ETV1: variants seen among roughly 807,000 people sequenced by gnomAD.
ETV1 encodes the protein ETS translocation variant 1.
A neutral mutation model predicts 62.3 loss-of-function variants in ETV1; 27 were observed. That is an observed-to-expected ratio of 0.43 (90% CI 0.32 to 0.60). The LOEUF (loss-of-function observed/expected upper bound fraction) is 0.60, where lower values mean the gene tolerates loss of function less well. Ranked by LOEUF, ETV1 falls within the 20% of genes least tolerant of loss-of-function variation. The pLI is 0.06. For synonymous variants in ETV1, 222 were observed against 199.6 expected, an observed-to-expected ratio of 1.11 and a Z score of -0.94; for missense variants, 605 against 605.8, an observed-to-expected ratio of 1.00 and a Z score of 0.01.
chr7:13,896,847 C>T (rs566430080), intron 13 of ETV1, among the ~76,000 whole-genome samples: 78 of 151,998 alleles, frequency 5.1e-4, no homozygotes, highest in African/African-American at 1.8e-3. Flanking sequence ...ATCCTGGGTA[C>T]ATCACTTTTA....
At chr7:13,950,094 T>G (rs1788621815) in intron 6 of ETV1, among the ~76,000 whole-genome samples, 1 of 152,102 alleles carries the variant, frequency 6.6e-6, no homozygotes, top group Non-Finnish European at 1.5e-5. Flanking sequence ...ACATTAGATA[T>G]GATTAAGGTT....
chr7:13,939,144 T>C lies in ETV1; in HGVS notation c.338A>G (p.Tyr113Cys). 2.5e-6 allele frequency: 4 copies of C among 1,613,362 alleles called. No homozygotes were observed. Among genetic ancestry groups the C allele is most frequent in the African/African-American group, 1.3e-5 (1 of 75,028 alleles). Residue 113 changes from tyrosine (Y) to cysteine (C), a missense_variant, in exon 7 of 14, where the codon TAT becomes TGT. By Grantham distance (194) the Tyr-to-Cys change is radical. Around this residue, in one of 3 missense-constraint regions of ETV1, gnomAD observed 426 missense variants for 377.8 expected, o/e 1.13. Coordinates refer to ENST00000430479, the MANE Select transcript of ETV1 (RefSeq NM_004956.5). ...GACATTGTACAGGCACTTTTCTCCA[T>C]AGCTGAATTTAAAGGGCTGTTCTTG... is the stretch of plus-strand genomic sequence containing the variant. Reference protein sequence around the residue: ...CSQEQPFKFSYGEKCLYNVSA... With the variant: ...CSQEQPFKFSCGEKCLYNVSA...
chr7:13,979,241 A>G (rs1455165877), intron 5 of ETV1, among the ~76,000 whole-genome samples: 4 of 152,064 alleles, frequency 2.6e-5, no homozygotes, highest in African/African-American at 9.7e-5. Flanking sequence ...TCTAAACGCA[A>G]TGCCAGCTAC....
intron 7 of ETV1, 76 bp downstream of exon 7, chr7:13,939,041 T>G: frequency 9.4e-4 from 1,323 of 1,403,030 alleles, no homozygotes; most frequent in Non-Finnish European, 1.2e-3. Flanking sequence ...AAATATGACT[T>G]GAGATTTCAT....
chr7:13,905,025 G>T (rs899162951), intron 12 of ETV1, among the ~76,000 whole-genome samples: 2 of 150,158 alleles, frequency 1.3e-5, no homozygotes, highest in African/African-American at 4.9e-5. Flanking sequence ...GTGGGGCAAG[G>T]GAGATACTGC....
chr7:13,902,622 G>A (rs978136268), intron 12 of ETV1, among the ~76,000 whole-genome samples: 1 of 152,120 alleles, frequency 6.6e-6, no homozygotes, highest in Non-Finnish European at 1.5e-5. Context: ...AATAGGCATA[G>A]CAGCCGAACT....
intron 5 of ETV1, among the ~76,000 whole-genome samples, 196 bp from the exon 6 acceptor site, chr7:13,977,676 C>A (rs565518397): frequency 6.6e-6 from 1 of 152,144 alleles, no homozygotes; most frequent in African/African-American, 2.4e-5. Flanking sequence ...ATTGATGTCA[C>A]CTAGGAACCA....
intron 9 of ETV1, among the ~76,000 whole-genome samples, chr7:13,925,229 C>G (rs1435571805): frequency 6.6e-6 from 1 of 152,144 alleles, no homozygotes; most frequent in Non-Finnish European, 1.5e-5. Flanking sequence ...ATTGTTTAAA[C>G]CTATTAGGAT....
upstream of ETV1, chr7:13,990,306 T>C (rs969244013): frequency 6.6e-6 from 1 of 152,158 alleles, no homozygotes; most frequent in Admixed American, 6.6e-5. Flanking sequence ...AAAGAATCTA[T>C]AAGGAAGGCA....
chr7:13,893,789 T>C lies in ETV1; in HGVS notation c.*2077A>G, dbSNP rs1429510674. On this transcript the variant is annotated 3_prime_UTR_variant, in exon 14 of 14. Transcript: ENST00000430479. ...TTCACTGAATATTTTAACATCTGTT[T>C]TTATTCTAAGTGCTGTAGATGGCCA... 5.2e-5 allele frequency: 12 copies of C among 232,972 alleles called. No individual in the cohort carries two copies. The Admixed American group carries it at 6.8e-4, about 13-fold the overall frequency. 14.4% of individuals were successfully genotyped at this position (232,972 alleles called of 1,614,324 possible).
At chr7:13,948,225 A>G (rs1263964922) in intron 6 of ETV1, among the ~76,000 whole-genome samples, 9 of 152,194 alleles carry the variant, frequency 5.9e-5, no homozygotes, top group South Asian at 2.1e-4. Flanking sequence ...GTCTCCTTCT[A>G]TATGTGGACA....
intron 6 of ETV1, among the ~76,000 whole-genome samples, chr7:13,962,430 A>G (rs1790296784): frequency 6.6e-6 from 1 of 152,116 alleles, no homozygotes; most frequent in African/African-American, 2.4e-5. Context: ...TCACGTTTAT[A>G]TCATATGGCT....
chr7:13,904,895 T>A (rs1239708606), intron 12 of ETV1, among the ~76,000 whole-genome samples: 1 of 150,468 alleles, frequency 6.6e-6, no homozygotes, highest in African/African-American at 2.5e-5. Context: ...AAAAAACTAA[T>A]CTTCTTTGAC....
intron 6 of ETV1, among the ~76,000 whole-genome samples, chr7:13,944,581 T>C (rs1160276192): frequency 1.3e-5 from 2 of 152,042 alleles, no homozygotes; most frequent in East Asian, 3.9e-4. Context: ...GACACAAACA[T>C]TCAGTCTACT....
At chr7:13,905,784 C>T (rs1380900105) in intron 12 of ETV1, among the ~76,000 whole-genome samples, 1 of 152,098 alleles carries the variant, frequency 6.6e-6, no homozygotes, top group Non-Finnish European at 1.5e-5. Context: ...TCATCCCAAC[C>T]TTCCAATGGA....
intron 6 of ETV1, among the ~76,000 whole-genome samples, chr7:13,976,989 G>C (rs903793246): frequency 6.6e-6 from 1 of 152,150 alleles, no homozygotes; most frequent in East Asian, 1.9e-4. Flanking sequence ...TGAATGTTTG[G>C]TCCAGAATCT....
In ETV1 at chr7:13,989,654, C is replaced by G. The variant is rs1782871183; in HGVS notation, c.-376G>C. Reference sequence around the variant, plus strand: ...AGCCCAGCACTTCCCCCTTGGAAGCCGAAAGCGCCTCTGACAGAGCTCAAT... The same window carrying G: ...AGCCCAGCACTTCCCCCTTGGAAGCGGAAAGCGCCTCTGACAGAGCTCAAT... On this transcript the variant is annotated 5_prime_UTR_variant, in exon 1 of 14. Transcript: ENST00000430479. 2 of 398,968 alleles carry G rather than the reference C, an allele frequency of 5.0e-6. No homozygotes were observed. The highest frequency in any genetic ancestry group is 8.8e-6 in the Non-Finnish European group (2 of 226,082). The allele number at this position is 398,968 out of a possible 1,614,324, so 24.7% of individuals were successfully genotyped here.
At chr7:13,899,450 T>C (rs563437225) in intron 13 of ETV1, among the ~76,000 whole-genome samples, 97 of 152,338 alleles carry the variant, frequency 6.4e-4, no homozygotes, top group African/African-American at 2.3e-3. Flanking sequence ...TGAGATAATA[T>C]GCCTCTTGTC....
At chr7:13,922,308 C>T (rs1287987168) in intron 9 of ETV1, among the ~76,000 whole-genome samples, 1 of 152,170 alleles carries the variant, frequency 6.6e-6, no homozygotes, top group African/African-American at 2.4e-5. Context: ...CACTTCCATA[C>T]TTTCAAAGGG....
Sources: allele counts gnomAD v4.1 joint callset (sites outside exome capture counted in the v4.1 genomes callset), GRCh38; gene constraint gnomAD v4.1.1; regional missense constraint gnomAD v4.1.1; transcripts MANE v1.5; gene names NCBI Gene and HGNC (gene_info 2026-07-23, HGNC 2026-07-21).